Variants in GLCCI1 observed in about 807,000 individuals in gnomAD.
GLCCI1 encodes glucocorticoid-induced transcript 1 protein.
GLCCI1 carries 24 observed loss-of-function variants against 52.2 expected under a neutral mutation model. The ratio of observed to expected loss-of-function variants is 0.46; its 90% CI spans 0.33 to 0.65. The LOEUF is 0.65. GLCCI1 is among the 30% of genes least tolerant of loss of function. The pLI, the probability that GLCCI1 is intolerant of heterozygous loss-of-function variation, is 0.02. For missense variants in GLCCI1, 704 were observed against 701.5 expected (o/e 1.00, Z -0.04); for synonymous variants, 310 against 276.5 (o/e 1.12, Z -1.20).
At chr7:8,076,557 TG>T (rs1041288438) in intron 6 of GLCCI1, among the ~76,000 whole-genome samples, 5 of 152,208 alleles carry the variant, frequency 3.3e-5, no homozygotes, top group African/African-American at 1.2e-4. Flanking sequence ...TTTCTGAAAA[TG>T]TTAACAATTT....
At chr7:8,050,238 A>G (rs1782228204) in intron 3 of GLCCI1, among the ~76,000 whole-genome samples, 1 of 151,950 alleles carries the variant, frequency 6.6e-6, no homozygotes. Context: ...GCACGTATGT[A>G]TTTTCTTTGT....
intron 5 of GLCCI1, chr7:8,070,066 G>GT (rs1426451421): frequency 6.6e-6 from 1 of 152,188 alleles, no homozygotes; most frequent in Non-Finnish European, 1.5e-5. Context: ...GAGTAGTAAA[G>GT]TAGAAAGAGT....
chr7:7,969,693 G>T lies in GLCCI1; in HGVS notation c.343G>T (p.Ala115Ser). ...SPSSPTPPAAAAPAEQAPRAK... is the reference protein window; with the variant it reads ...SPSSPTPPAASAPAEQAPRAK... ...GTCCAGCCCGACGCCGCCGGCGGCC[G>T]CAGCCCCGGCCGAGCAGGCGCCGCG... The change falls in exon 1 of 8, where the codon GCA becomes TCA. Residue 115 changes from alanine (A) to serine (S), a missense_variant. Physicochemically the swap from Ala to Ser is moderately conservative, Grantham distance 99 (BLOSUM62 1). Transcript: ENST00000223145. This position sits in a 1 kb window ranked among gnomAD's most constrained non-coding sequence, Gnocchi z 4.9. The T allele has an allele frequency of 8.3e-7, 1 of 1,201,240 alleles. No homozygotes were observed. The highest frequency in any genetic ancestry group is 1.0e-6 in the Non-Finnish European group (1 of 962,974). 74.4% of individuals were successfully genotyped at this position (1,201,240 alleles called of 1,614,324 possible).
At position 8,055,521 on chromosome 7, in the gene GLCCI1, G is replaced by T; in HGVS notation, c.785G>T (p.Gly262Val). 1 of 1,610,940 alleles carries T rather than the reference G, an allele frequency of 6.2e-7. No homozygotes were observed. The highest frequency in any genetic ancestry group is 8.5e-7 in the Non-Finnish European group (1 of 1,177,286). ...KEKDRQSPLH[G>V]NHITISHTQA... ...AAAGATCGCCAGTCACCTCTTCATG[G>T]CAACCATATAACAATCAGTCACACT... Residue 262 changes from glycine to valine, a missense_variant, in exon 4 of 8, where the codon GGC becomes GTC. Physicochemically the swap from Gly to Val is moderately radical, Grantham distance 109. This residue lies in a region of GLCCI1 where 547 missense variants were observed against 524.8 expected (regional missense o/e 1.04). Coordinates refer to ENST00000223145, the MANE Select transcript of GLCCI1 (RefSeq NM_138426.4).
chr7:8,078,360 A>G (rs1782920306), intron 6 of GLCCI1, among the ~76,000 whole-genome samples: 1 of 152,158 alleles, frequency 6.6e-6, no homozygotes, highest in Admixed American at 6.5e-5. Context: ...ACACAGAAGT[A>G]GAGGCAGTAG....
At chr7:8,038,164 C>A (rs1053899421) in intron 3 of GLCCI1, among the ~76,000 whole-genome samples, 3 of 152,096 alleles carry the variant, frequency 2.0e-5, no homozygotes, top group African/African-American at 7.2e-5. Flanking sequence ...ATTCTAAGCT[C>A]TTGGATTGTA....
At chr7:8,003,005 C>T (rs1433869668) in intron 1 of GLCCI1, among the ~76,000 whole-genome samples, 1 of 152,284 alleles carries the variant, frequency 6.6e-6, no homozygotes, top group South Asian at 2.1e-4. Flanking sequence ...CTCTAGGACT[C>T]AAATTCTTCG....
intron 3 of GLCCI1, among the ~76,000 whole-genome samples, chr7:8,028,856 A>G (rs930494086): frequency 3.9e-5 from 6 of 152,190 alleles, no homozygotes; most frequent in Non-Finnish European, 8.8e-5. Context: ...TATCTATAAG[A>G]AATGAATAAA....
chr7:8,051,959 A>G (rs1444232310), intron 3 of GLCCI1, among the ~76,000 whole-genome samples: 1 of 152,196 alleles, frequency 6.6e-6, no homozygotes, highest in African/African-American at 2.4e-5. Context: ...TCAAAGATGA[A>G]AAGAATTATA....
chr7:8,083,139 C>A (rs548816261), intron 6 of GLCCI1, among the ~76,000 whole-genome samples: 1 of 152,130 alleles, frequency 6.6e-6, no homozygotes, highest in African/African-American at 2.4e-5. Context: ...TTAAAAATTT[C>A]TGTGGATACA....
intron 2 of GLCCI1, among the ~76,000 whole-genome samples, chr7:8,011,123 C>T (rs1781254616): frequency 6.6e-6 from 1 of 150,600 alleles, no homozygotes; most frequent in Middle Eastern, 3.2e-3. Flanking sequence ...TGTCTCCTCC[C>T]ACACAAAAAA....
chr7:8,005,826 TTC>T (rs963676457), intron 2 of GLCCI1, among the ~76,000 whole-genome samples: 21 of 152,186 alleles, frequency 1.4e-4, no homozygotes, highest in African/African-American at 5.1e-4. Context: ...AGACAGGAGT[TTC>T]TGTCTTGTTG....
chr7:7,986,504 G>A (rs1780734906), intron 1 of GLCCI1, among the ~76,000 whole-genome samples: 1 of 149,018 alleles, frequency 6.7e-6, no homozygotes, highest in Non-Finnish European at 1.5e-5. Context: ...CAGCCTGGGC[G>A]ACAGAGCGAG....
chr7:8,043,116 A>G (rs898267939), intron 3 of GLCCI1, among the ~76,000 whole-genome samples: 2 of 152,234 alleles, frequency 1.3e-5, no homozygotes, highest in African/African-American at 4.8e-5. Flanking sequence ...TTTTAGCAAT[A>G]AAGTATTTTA....
At chr7:7,970,027 C>A (rs1780309621) in intron 1 of GLCCI1, 1 of 377,102 alleles carries the variant, frequency 2.7e-6, no homozygotes, top group Admixed American at 5.9e-5. Context: ...AGTCTCTCTT[C>A]CATCACTCGC....
chr7:8,008,740 T>C (rs1472455682), intron 2 of GLCCI1, among the ~76,000 whole-genome samples: 1 of 152,212 alleles, frequency 6.6e-6, no homozygotes, highest in Non-Finnish European at 1.5e-5. Context: ...TGAACTCAGA[T>C]GTTTAGAGAT....
At chr7:7,975,055 G>A (rs903740088) in intron 1 of GLCCI1, among the ~76,000 whole-genome samples, 1 of 152,132 alleles carries the variant, frequency 6.6e-6, no homozygotes, top group Non-Finnish European at 1.5e-5. Context: ...GATATAGAAA[G>A]CCTAGGGAAC....
intron 1 of GLCCI1, 115 bp from the exon 2 acceptor site, chr7:8,003,793 A>AAT (rs1008744142): frequency 9.3e-6 from 8 of 858,734 alleles, no homozygotes; most frequent in African/African-American, 5.1e-5. Context: ...TATTAGTGTA[A>AAT]ATATATATAT....
In GLCCI1 at chr7:7,994,372, A is replaced by T. The variant is rs1780900139; in HGVS notation, c.458-9536A>T. On this transcript the variant is annotated intron_variant, in intron 1 of 7. Transcript: ENST00000223145. ...AATCTAAATTTAACTTACATATTAG[A>T]GCAGTCTGATTTAATTTTACTTTGC... 2.0e-5 allele frequency among the ~76,000 whole-genome samples: 3 copies of T among 152,340 alleles called. No individual in the cohort carries two copies. In the South Asian group the frequency reaches 6.2e-4, roughly 32 times the overall value.
Sources: allele counts gnomAD v4.1 joint callset (sites outside exome capture counted in the v4.1 genomes callset), GRCh38; gene constraint gnomAD v4.1.1; regional missense constraint gnomAD v4.1.1; non-coding constraint Gnocchi (gnomAD v3.1); transcripts MANE v1.5; gene names NCBI Gene and HGNC (gene_info 2026-07-23, HGNC 2026-07-21).